The following MVB12B variants were observed in gnomAD, a reference collection of about 807,000 sequenced individuals.
MVB12B encodes multivesicular body subunit 12B, also known as ESCRT-I complex subunit MVB12B.
In MVB12B, 16 loss-of-function variants were observed where a neutral mutation model predicts 41.6. The observed-to-expected ratio is 0.38, with a 90% CI of 0.26 to 0.58. MVB12B has a LOEUF of 0.58. MVB12B is among the 20% of genes least tolerant of loss of function. The probability of loss-of-function intolerance (pLI) is 0.62; values close to 1 mark genes in which losing one functional copy is unlikely to be tolerated. For missense variants in MVB12B, 274 were observed against 380.2 expected, an observed-to-expected ratio of 0.72 and a Z score of 2.32; for synonymous variants, 133 against 139.7, an observed-to-expected ratio of 0.95 and a Z score of 0.34.
In MVB12B at chr9:126,482,220, C is replaced by T. The variant is rs528700908; in HGVS notation, c.813+796C>T. Among the ~76,000 whole-genome samples the T allele has an allele frequency of 3.9e-5, 6 of 152,382 alleles. No homozygotes were observed. The South Asian group carries it at 1.0e-3, about 26-fold the overall frequency. ...CTCCCAGCTGCGCAGGCTTGCCCCA[C>T]GCTGGCTCAGCAAACCCGTTTCTGG... On this transcript the variant is annotated intron_variant, in intron 8 of 9. Transcript: ENST00000361171.
chr9:126,352,073 C>T (rs511209), intron 2 of MVB12B, among the ~76,000 whole-genome samples: 150,476 of 152,310 alleles, frequency 0.99, 74,366 homozygotes, highest in Middle Eastern at 1. Flanking sequence ...ATAATTCTTT[C>T]TATTTATTGC....
intron 8 of MVB12B, among the ~76,000 whole-genome samples, 182 bp downstream of exon 8, chr9:126,481,606 G>T (rs926380561): frequency 2.0e-5 from 3 of 152,142 alleles, no homozygotes; most frequent in Admixed American, 2.0e-4. Context: ...CCAGTGACAG[G>T]AACTCCTGAG....
Position 126,400,946 on chromosome 9 carries a change from C to T in MVB12B, c.662+5249C>T, listed in dbSNP as rs558708275. On this transcript the variant is annotated intron_variant, in intron 6 of 9. Coordinates refer to ENST00000361171, the MANE Select transcript of MVB12B (RefSeq NM_033446.3). ...CTGGCCTCCAGCTGGCTAGGATTTT[C>T]GGGACATCTCATGTTTATGTGAACA... 1.6e-4 allele frequency among the ~76,000 whole-genome samples: 24 copies of T among 152,308 alleles called. No individual in the cohort carries two copies. The South Asian group carries it at 3.7e-3, about 24-fold the overall frequency.
chr9:126,329,532 G>A (rs1479295317), intron 1 of MVB12B, among the ~76,000 whole-genome samples: 1 of 152,174 alleles, frequency 6.6e-6, no homozygotes, highest in Non-Finnish European at 1.5e-5. Flanking sequence ...GCCCTCTCAG[G>A]GCCTTGGAAG....
At chr9:126,439,298 A>C (rs2109915) in intron 7 of MVB12B, among the ~76,000 whole-genome samples, 33 of 150,396 alleles carry the variant, frequency 2.2e-4, no homozygotes, top group African/African-American at 7.6e-4. Flanking sequence ...CAGGGAGCTC[A>C]CAGGGTCTGC....
intron 1 of MVB12B, among the ~76,000 whole-genome samples, chr9:126,335,717 G>A (rs1340583755): frequency 6.6e-6 from 1 of 152,206 alleles, no homozygotes; most frequent in Non-Finnish European, 1.5e-5. Context: ...GTTTCCTACG[G>A]CGAATGAAAT....
chr9:126,351,355 G>T (rs1371075251), intron 2 of MVB12B, among the ~76,000 whole-genome samples: 1 of 151,360 alleles, frequency 6.6e-6, no homozygotes, highest in Non-Finnish European at 1.5e-5. Context: ...TTTCCCATCT[G>T]TATGCCTTTT....
chr9:126,405,876 A>G (rs1831405515), intron 6 of MVB12B, among the ~76,000 whole-genome samples: 1 of 149,702 alleles, frequency 6.7e-6, no homozygotes, highest in Non-Finnish European at 1.5e-5. Context: ...TATCATCATT[A>G]TTATTTCAGC....
chr9:126,424,089 C>G (rs1486388007), intron 7 of MVB12B, among the ~76,000 whole-genome samples: 1 of 152,198 alleles, frequency 6.6e-6, no homozygotes, highest in East Asian at 1.9e-4. Context: ...GGCTCTGTGT[C>G]CCTCCTGAAG....
In MVB12B at chr9:126,421,907, C is replaced by T. The variant is rs144763623; in HGVS notation, c.716C>T (p.Thr239Met). Reference sequence around the variant, plus strand: ...TTCCGAGGCAGGAACAGCACCCGGACGGACTACGAGTACCAGCACTCCAAT... The same window carrying T: ...TTCCGAGGCAGGAACAGCACCCGGATGGACTACGAGTACCAGCACTCCAAT... ...ATFRGRNSTR[T>M]DYEYQHSNLY... Residue 239 changes from threonine (T) to methionine (M), a missense_variant, in exon 7 of 10, where the codon ACG becomes ATG. Transcript: ENST00000361171. 87 of 1,614,042 alleles carry T rather than the reference C, an allele frequency of 5.4e-5. No homozygotes were observed. The highest frequency in any genetic ancestry group is 2.5e-4 in the African/African-American group (19 of 75,026).
At chr9:126,334,108 C>T (rs1829211468) in intron 1 of MVB12B, among the ~76,000 whole-genome samples, 2 of 152,174 alleles carry the variant, frequency 1.3e-5, no homozygotes, top group African/African-American at 4.8e-5. Flanking sequence ...AACTCCCACT[C>T]CAGAATGTGG....
rs1157354110 is a variant in MVB12B at position 126,376,153 on chromosome 9, T to C, written c.205-4911T>C. Among the ~76,000 whole-genome samples, 1 of 152,232 alleles carries C rather than the reference T, an allele frequency of 6.6e-6. No homozygotes were observed. Among genetic ancestry groups the C allele is most frequent in the Non-Finnish European group, 1.5e-5 (1 of 68,038 alleles). On this transcript the variant is annotated intron_variant, in intron 2 of 9. Transcript: ENST00000361171. The surrounding 1 kb of genome is among the most constrained non-coding windows in gnomAD (Gnocchi z 4.1). ...TCTGTACTTTACCTTCTGGAAGATTTCCTCAGCTTTCTCTTCCAGTGTTTA... is the reference window on the plus strand; with the variant it reads ...TCTGTACTTTACCTTCTGGAAGATTCCCTCAGCTTTCTCTTCCAGTGTTTA...
chr9:126,378,515 G>T (rs1190518399), intron 2 of MVB12B, among the ~76,000 whole-genome samples: 6 of 152,050 alleles, frequency 3.9e-5, no homozygotes, highest in Admixed American at 3.9e-4. Flanking sequence ...TGGTCCTGTG[G>T]GTCCCTGAAC....
At chr9:126,379,662 TGTTTGGTTTGA>T (rs1040808127) in intron 2 of MVB12B, among the ~76,000 whole-genome samples, 2 of 152,240 alleles carry the variant, frequency 1.3e-5, no homozygotes, top group African/African-American at 4.8e-5. Context: ...AATTTACAAT[TGTTTGGTTTGA>T]AAAACAAGGA....
At chr9:126,328,410 C>T (rs1230580854) in intron 1 of MVB12B, among the ~76,000 whole-genome samples, 2 of 152,172 alleles carry the variant, frequency 1.3e-5, no homozygotes, top group African/African-American at 2.4e-5. Context: ...ATTTTTCTTG[C>T]CCTGTCTCCA....
intron 7 of MVB12B, among the ~76,000 whole-genome samples, chr9:126,440,728 AAAAG>A (rs1225689684): frequency 6.6e-6 from 1 of 152,206 alleles, no homozygotes; most frequent in African/African-American, 2.4e-5. Context: ...GGGAGGAAAA[AAAAG>A]AACCAGTGAG....
chr9:126,453,673 A>G (rs1302016767), intron 7 of MVB12B, among the ~76,000 whole-genome samples: 2 of 152,140 alleles, frequency 1.3e-5, no homozygotes, highest in East Asian at 1.9e-4. Flanking sequence ...CATGGACACA[A>G]TCTCACATGC....
At position 126,371,401 on chromosome 9, in the gene MVB12B, A is replaced by G. The variant is rs1304954243; in HGVS notation, c.205-9663A>G. Among the ~76,000 whole-genome samples, 3 of 152,166 alleles carry G rather than the reference A, an allele frequency of 2.0e-5. No individual in the cohort carries two copies. In the East Asian group the frequency reaches 5.8e-4, roughly 29 times the overall value. ...CCATTTCCTGTCTCGTGGGCCCCCC[A>G]CGGAACTGTCTTCCCTGCCTGGCTC... is the stretch of plus-strand genomic sequence containing the variant. On this transcript the variant is annotated intron_variant, in intron 2 of 9. Transcript: ENST00000361171.
chr9:126,451,758 G>A (rs1444011380), intron 7 of MVB12B, among the ~76,000 whole-genome samples: 1 of 152,132 alleles, frequency 6.6e-6, no homozygotes, highest in East Asian at 1.9e-4. Flanking sequence ...TCATCTGGAG[G>A]GGGTTTATTT....
Sources: allele counts gnomAD v4.1 joint callset (sites outside exome capture counted in the v4.1 genomes callset), GRCh38; gene constraint gnomAD v4.1.1; non-coding constraint Gnocchi (gnomAD v3.1); transcripts MANE v1.5; gene names NCBI Gene and HGNC (gene_info 2026-07-23, HGNC 2026-07-21).